Variants in GRAP2 observed in about 807,000 individuals in gnomAD.
The protein encoded by GRAP2 is GRB2 related adaptor protein 2, also known as GRB2-related adapter protein 2.
A neutral mutation model predicts 43.5 loss-of-function variants in GRAP2; 31 were observed. That is an observed-to-expected ratio of 0.71 (90% CI 0.54 to 0.96). GRAP2 has a LOEUF of 0.96. Among genes scored for constraint, GRAP2 ranks in the 40% least tolerant of loss-of-function variants. GRAP2 has a pLI of 0.00. For synonymous variants in GRAP2, 156 were observed against 164.8 expected (o/e 0.95, Z 0.41); for missense variants, 371 against 424.4 (o/e 0.87, Z 1.11).
chr22:39,908,867 C>T (rs538578673), intron 1 of GRAP2, among the ~76,000 whole-genome samples: 1 of 152,154 alleles, frequency 6.6e-6, no homozygotes, highest in African/African-American at 2.4e-5. Flanking sequence ...TGCTCGGTAC[C>T]GTGTCAGGTC....
intron 1 of GRAP2, among the ~76,000 whole-genome samples, chr22:39,919,805 G>T (rs1477314261): frequency 6.6e-6 from 1 of 152,216 alleles, no homozygotes; most frequent in African/African-American, 2.4e-5. Flanking sequence ...ATGAAGTTGT[G>T]TAAATAAGGA....
Position 39,973,402 on chromosome 22 carries a change from G to C in GRAP2, c.*2318G>C, listed in dbSNP as rs2067265234. ...AGGTAGAGAGTGAGAACGAGACCAGGGGGTGACAGGGGTCATCGGCCTGCA... is the reference window on the plus strand; with the variant it reads ...AGGTAGAGAGTGAGAACGAGACCAGCGGGTGACAGGGGTCATCGGCCTGCA... On this transcript the variant is annotated 3_prime_UTR_variant, in exon 8 of 8. Transcript: ENST00000344138. The C allele has an allele frequency of 6.6e-6, 1 of 152,222 alleles. No homozygotes were observed. Among genetic ancestry groups the C allele is most frequent in the African/African-American group, 2.4e-5 (1 of 41,462 alleles). The allele number at this position is 152,222 out of a possible 1,614,324, so 9.4% of individuals were successfully genotyped here. A position where few individuals can be genotyped will look rare whatever the true frequency, so the allele number is the denominator to read the frequency against.
chr22:39,935,858 C>T (rs374234538), intron 1 of GRAP2, among the ~76,000 whole-genome samples: 93 of 152,258 alleles, frequency 6.1e-4, no homozygotes, highest in African/African-American at 2.0e-3. Context: ...AGGGCACAGG[C>T]AGTGAGGAAA....
chr22:39,935,711 A>C (rs1047643786), intron 1 of GRAP2, among the ~76,000 whole-genome samples: 2 of 152,196 alleles, frequency 1.3e-5, no homozygotes, highest in Non-Finnish European at 2.9e-5. Context: ...AGTGAGCTGA[A>C]AAAATGACCA....
At chr22:39,903,599 T>A (rs145509130) in intron 1 of GRAP2, among the ~76,000 whole-genome samples, 2 of 149,060 alleles carry the variant, frequency 1.3e-5, no homozygotes, top group African/African-American at 4.9e-5. Flanking sequence ...CACCTCAGCC[T>A]CTCAAGTAGC....
At chr22:39,924,333 T>G (rs1482440493) in intron 1 of GRAP2, among the ~76,000 whole-genome samples, 2 of 152,208 alleles carry the variant, frequency 1.3e-5, no homozygotes, top group Non-Finnish European at 2.9e-5. Flanking sequence ...GAAAAAGAAC[T>G]TCGGGCAGTA....
chr22:39,953,463 C>G (rs1190357314), intron 2 of GRAP2, among the ~76,000 whole-genome samples: 1 of 152,156 alleles, frequency 6.6e-6, no homozygotes, highest in East Asian at 1.9e-4. Flanking sequence ...CTGAATTTCT[C>G]TAAAATATAT....
intron 3 of GRAP2, among the ~76,000 whole-genome samples, chr22:39,956,477 T>C (rs1046772679): frequency 9.9e-5 from 15 of 151,230 alleles, no homozygotes; most frequent in Admixed American, 7.9e-4. Context: ...TTTGGGTTTT[T>C]TTGGGTTTTT....
At chr22:39,968,688 T>G in intron 6 of GRAP2, 2 of 182,556 alleles carry the variant, frequency 1.1e-5, no homozygotes, top group East Asian at 1.5e-4. Flanking sequence ...TCCACCCTTG[T>G]TCCCGATGGG....
At chr22:39,937,284 C>T (rs1316994452) in intron 1 of GRAP2, among the ~76,000 whole-genome samples, 1 of 152,208 alleles carries the variant, frequency 6.6e-6, no homozygotes, top group Non-Finnish European at 1.5e-5. Context: ...ATCACAGTGA[C>T]TGAGCTCTGC....
Position 39,971,642 on chromosome 22 carries a change from G to C in GRAP2, c.*558G>C, listed in dbSNP as rs538429007. The C allele has an allele frequency of 6.6e-6, 1 of 152,548 alleles. No individual in the cohort carries two copies. The allele number at this position is 152,548 out of a possible 1,614,324, so 9.4% of individuals were successfully genotyped here. ...CAGCCAAGCGAGTCTGAGCGGGGAT[G>C]TGAAGGCAGGACGGGGTTGGAGAGA... On this transcript the variant is annotated 3_prime_UTR_variant, in exon 8 of 8. Coordinates refer to ENST00000344138, the MANE Select transcript of GRAP2 (RefSeq NM_004810.4).
At chr22:39,918,439 T>C (rs1238805269) in intron 1 of GRAP2, among the ~76,000 whole-genome samples, 1 of 152,246 alleles carries the variant, frequency 6.6e-6, no homozygotes, top group Non-Finnish European at 1.5e-5. Context: ...GACTCTGCCA[T>C]TCACCTCATT....
chr22:39,970,917 G>GC lies in GRAP2; in HGVS notation c.829dup (p.Arg277ProfsTer5). The stretch of plus-strand genomic sequence containing the variant: ...CTTCCCCCAACAGCGAGTGCGGTGG[G>GC]CCCGGGCGCTGTATGACTTTGAGGC... On this transcript the variant is annotated frameshift_variant, in exon 8 of 8. Transcript: ENST00000344138. LOFTEE classifies it high-confidence loss of function. 2.5e-6 allele frequency: 4 copies of GC among 1,607,470 alleles called. No individual in the cohort carries two copies. Among genetic ancestry groups the GC allele is most frequent in the Non-Finnish European group, 3.4e-6 (4 of 1,177,344 alleles).
intron 2 of GRAP2, chr22:39,947,983 CAGAT>C (rs1162730414): frequency 2.6e-5 from 4 of 152,466 alleles, no homozygotes; most frequent in African/African-American, 4.8e-5. Flanking sequence ...CCCTGGTCCT[CAGAT>C]AGCCTGATCC....
rs1042322372 is a variant in GRAP2, at chr22:39,968,114, A to T, written c.532A>T (p.Ile178Phe). ...PHLSGAVGEE[I>F]RPSMNRKLSD... ...CCTCAGTGGGGCTGTGGGAGAAGAA[A>T]TCCGACCTTCGATGAACCGGAAGCT... Residue 178 changes from isoleucine to phenylalanine, a missense_variant, in exon 6 of 8, where the codon ATC becomes TTC. By Grantham distance (21) the Ile-to-Phe change is conservative. Transcript: ENST00000344138. 1.9e-6 allele frequency: 3 copies of T among 1,610,078 alleles called. No individual in the cohort carries two copies. The African/African-American group carries it at 4.0e-5, about 22-fold the overall frequency.
chr22:39,965,924 G>A (rs1214614763), intron 4 of GRAP2, 66 bp from the exon 5 acceptor site: 1 of 1,298,840 alleles, frequency 7.7e-7, no homozygotes, highest in East Asian at 2.3e-5. Flanking sequence ...TCCCAGATGT[G>A]AGCAGCCTGG....
At chr22:39,896,204 A>G (rs2066465878), upstream of GRAP2, among the ~76,000 whole-genome samples, 1 of 152,246 alleles carries the variant, frequency 6.6e-6, no homozygotes, top group African/African-American at 2.4e-5. Context: ...GAATGTTCTG[A>G]TAGTTCAGGC....
intron 1 of GRAP2, among the ~76,000 whole-genome samples, chr22:39,938,325 A>C (rs1360485364): frequency 1.3e-5 from 2 of 152,230 alleles, no homozygotes; most frequent in African/African-American, 4.8e-5. Flanking sequence ...TTAAATAAGG[A>C]TATAAGGGAT....
intron 1 of GRAP2, among the ~76,000 whole-genome samples, chr22:39,910,599 GGGT>G (rs2066554678): frequency 6.6e-6 from 1 of 151,740 alleles, no homozygotes; most frequent in Non-Finnish European, 1.5e-5. Context: ...AGTAGAGACG[GGGT>G]TTCACCATGT....
Sources: gnomAD v4.1 joint callset for allele counts (sites outside exome capture counted in the v4.1 genomes callset) on GRCh38, gnomAD v4.1.1 for gene constraint, MANE v1.5 for transcripts, NCBI Gene and HGNC (gene_info 2026-07-23, HGNC 2026-07-21) for gene names.